The following COQ9 variants were observed in gnomAD, a reference collection of about 807,000 sequenced individuals.
COQ9 encodes the protein coenzyme Q9.
COQ9 carries 35 observed loss-of-function variants against 42.4 expected under a neutral mutation model. That is an observed-to-expected ratio of 0.83 (90% CI 0.63 to 1.10). The LOEUF is 1.10. COQ9 is among the 50% of genes least tolerant of loss of function. The pLI is 0.00. For missense variants in COQ9, 406 were observed against 414.6 expected (o/e 0.98, Z 0.18); for synonymous variants, 155 against 155.1 (o/e 1.00, Z 0.00).
At position 57,456,540 on chromosome 16, in the gene COQ9, G is replaced by A. The variant is rs754267013; in HGVS notation, c.415G>A (p.Gly139Arg). ...GLSSAAASMF[G>R]KDGSELILHF... ...CTCCAGTGCAGCAGCCAGCATGTTC[G>A]GGAAGGATGGCAGTGAGCTAATACT... Residue 139 changes from glycine (G) to arginine (R), a missense_variant, in exon 4 of 9, where the codon GGG becomes AGG. Physicochemically the swap from Gly to Arg is moderately radical, Grantham distance 125 (BLOSUM62 -2). Coordinates refer to ENST00000262507, the MANE Select transcript of COQ9 (RefSeq NM_020312.4). 15 of 1,614,054 alleles carry A rather than the reference G, an allele frequency of 9.3e-6. No homozygotes were observed. Among genetic ancestry groups the A allele is most frequent in the East Asian group, 6.7e-5 (3 of 44,902 alleles).
chr16:57,451,695 A>G (rs1391840831), intron 2 of COQ9, among the ~76,000 whole-genome samples: 2 of 152,260 alleles, frequency 1.3e-5, no homozygotes, highest in Admixed American at 6.5e-5. Flanking sequence ...TATAAACTCT[A>G]CATGCTGTTC....
intron 3 of COQ9, 118 bp from the exon 4 acceptor site, chr16:57,456,380 CACATGG>C: frequency 8.7e-7 from 1 of 1,153,502 alleles, no homozygotes; most frequent in Non-Finnish European, 1.3e-6. Context: ...TCACCAAAAT[CACATGG>C]ACCCAGAGTG....
rs554495005 is a variant in COQ9, at chr16:57,453,788, A to G, written c.378+852A>G. The stretch of plus-strand genomic sequence containing the variant: ...ATAAAAAAGAATGTAGAAAACACCT[A>G]TAATCACACCAAAGATCATACTATC... On this transcript the variant is annotated intron_variant, in intron 3 of 8. Coordinates refer to ENST00000262507, the MANE Select transcript of COQ9 (RefSeq NM_020312.4). The G allele has an allele frequency of 7.9e-5, 12 of 152,428 alleles. No homozygotes were observed. In the Middle Eastern group the frequency reaches 0.01, roughly 130 times the overall value. The allele number at this position is 152,428 out of a possible 1,614,324, so 9.4% of individuals were successfully genotyped here.
rs1189201208 is a variant in COQ9, at chr16:57,456,495, C to T, written c.379-9C>T. The stretch of plus-strand genomic sequence containing the variant: ...ACCGCTTTTCTGTTTTCTGTCTCCC[C>T]TTTTGTAGTCTCTGGGTCTCTCCAG... On this transcript the variant is annotated splice_polypyrimidine_tract_variant and intron_variant, in intron 3 of 8. Transcript: ENST00000262507. 2.8e-5 allele frequency: 45 copies of T among 1,613,952 alleles called. No individual in the cohort carries two copies. Among genetic ancestry groups the T allele is most frequent in the Non-Finnish European group, 3.8e-5 (45 of 1,180,036 alleles).
intron 3 of COQ9, among the ~76,000 whole-genome samples, chr16:57,454,689 C>G (rs2030362503): frequency 6.6e-6 from 1 of 152,024 alleles, no homozygotes; most frequent in Non-Finnish European, 1.5e-5. Flanking sequence ...ACAGGGTGGT[C>G]AGGAAAGGCT....
At chr16:57,457,667 C>G (rs2030436773) in intron 5 of COQ9, among the ~76,000 whole-genome samples, 1 of 152,160 alleles carries the variant, frequency 6.6e-6, no homozygotes. Context: ...TATGGTGGTG[C>G]CTAACCCCAG....
At position 57,458,156 on chromosome 16, in the gene COQ9, C is replaced by T. The variant is rs568095822; in HGVS notation, c.607-90C>T. The T allele has an allele frequency of 1.2e-5, 11 of 952,826 alleles. No individual in the cohort carries two copies. The East Asian group carries it at 2.6e-4, about 23-fold the overall frequency. The allele number at this position is 952,826 out of a possible 1,614,324, so 59.0% of individuals were successfully genotyped here. On this transcript the variant is annotated intron_variant, in intron 5 of 8. Coordinates refer to ENST00000262507, the MANE Select transcript of COQ9 (RefSeq NM_020312.4). ...TCAGAGAACCAGAGCTTGGCAGGCC[C>T]CCTCATACACCTCTTGGAGAGGTAG...
intron 5 of COQ9, chr16:57,458,041 A>T (rs2030445137): frequency 1.7e-6 from 1 of 599,652 alleles, no homozygotes; most frequent in South Asian, 1.8e-5. Flanking sequence ...TTGGGCTTGC[A>T]TAAGACGGGG....
intron 6 of COQ9, among the ~76,000 whole-genome samples, chr16:57,458,888 T>C (rs2030464558): frequency 6.6e-6 from 1 of 152,260 alleles, no homozygotes; most frequent in African/African-American, 2.4e-5. Context: ...AATGTGATGA[T>C]ACTTTGTGGA....
intron 3 of COQ9, 112 bp from the exon 4 acceptor site, chr16:57,456,392 G>T: frequency 8.0e-7 from 1 of 1,245,292 alleles, no homozygotes. Flanking sequence ...CATGGACCCA[G>T]AGTGAAGAAA....
At position 57,461,004 on chromosome 16, in the gene COQ9, C is replaced by G; in HGVS notation, c.*380C>G. The G allele has an allele frequency of 2.8e-6, 1 of 363,242 alleles. No homozygotes were observed. Among genetic ancestry groups the G allele is most frequent in the Non-Finnish European group, 5.4e-6 (1 of 185,014 alleles). The allele number at this position is 363,242 out of a possible 1,614,324, so 22.5% of individuals were successfully genotyped here. Reference sequence around the variant, plus strand: ...AACCTTGGGGCTCCCAAGCCAGAGTCAAGGTCTGACGCCACCTCAAGGTGA... The same window carrying G: ...AACCTTGGGGCTCCCAAGCCAGAGTGAAGGTCTGACGCCACCTCAAGGTGA... On this transcript the variant is annotated 3_prime_UTR_variant, in exon 9 of 9. Transcript: ENST00000262507.
chr16:57,456,997 C>A lies in COQ9; in HGVS notation c.588C>A (p.Tyr196Ter). Reference sequence around the variant, plus strand: ...CCAGACTGAGAATGCTGATCCCATACATTGAGCACTGGCCCCGGGTACCAA... The same window carrying A: ...CCAGACTGAGAATGCTGATCCCATAAATTGAGCACTGGCCCCGGGTACCAA... The part of the protein sequence containing the change: ...VETRLRMLIP[Y>*]IEHWPRALSI... Residue 196 changes from tyrosine to a stop codon, truncating the protein, a stop_gained, in exon 5 of 9, where the codon TAC becomes TAA. Transcript: ENST00000262507. LOFTEE classifies it high-confidence loss of function. The A allele has an allele frequency of 1.2e-6, 2 of 1,613,834 alleles. No homozygotes were observed. Among genetic ancestry groups the A allele is most frequent in the Non-Finnish European group, 1.7e-6 (2 of 1,179,692 alleles).
At chr16:57,453,924 CAG>C (rs1374680732) in intron 3 of COQ9, 2 of 152,198 alleles carry the variant, frequency 1.3e-5, no homozygotes, top group East Asian at 1.9e-4. Context: ...AGAGACATGA[CAG>C]GGGTCAAAGT....
chr16:57,448,755 G>A (rs531719453), intron 1 of COQ9, among the ~76,000 whole-genome samples: 1 of 152,132 alleles, frequency 6.6e-6, no homozygotes, highest in African/African-American at 2.4e-5. Flanking sequence ...AAGATGTGTA[G>A]TAAAAGTAAT....
chr16:57,457,385 T>C (rs2030430938), intron 5 of COQ9: 2 of 352,968 alleles, frequency 5.7e-6, no homozygotes, highest in South Asian at 2.4e-5. Flanking sequence ...CCCTGTGGCA[T>C]TTTAGATCTC....
intron 5 of COQ9, chr16:57,457,528 G>A: frequency 3.9e-6 from 1 of 254,602 alleles, no homozygotes; most frequent in Non-Finnish European, 7.7e-6. Flanking sequence ...GCCATTCTCT[G>A]AGTGAAGAAA....
intron 1 of COQ9, 41 bp downstream of exon 1, chr16:57,447,619 A>AG (rs771022170): frequency 8.1e-7 from 1 of 1,232,776 alleles, no homozygotes; most frequent in Non-Finnish European, 1.0e-6. Context: ...GGGAGCGCGG[A>AG]GGGGGCGCGA....
At chr16:57,453,425 ACT>A (rs1200991476) in intron 3 of COQ9, 5 of 252,094 alleles carry the variant, frequency 2.0e-5, no homozygotes, top group Non-Finnish European at 3.1e-5. Context: ...TTTCCCAGAA[ACT>A]CTAATAGCAT....
At chr16:57,450,882 C>G (rs1485488481) in intron 1 of COQ9, 158 bp from the exon 2 acceptor site, 2 of 825,504 alleles carry the variant, frequency 2.4e-6, no homozygotes, top group Non-Finnish European at 4.0e-6. Flanking sequence ...CCCAAAGTTC[C>G]CAGTTTACCC....
Sources: allele counts gnomAD v4.1 joint callset (sites outside exome capture counted in the v4.1 genomes callset), GRCh38; gene constraint gnomAD v4.1.1; transcripts MANE v1.5; gene names NCBI Gene and HGNC (gene_info 2026-07-23, HGNC 2026-07-21).